The following FRMPD4 variants were observed in gnomAD, a reference collection of about 807,000 sequenced individuals.
FRMPD4 encodes the protein FERM and PDZ domain-containing protein 4.
In FRMPD4, 22 loss-of-function variants were observed where a neutral mutation model predicts 94.1. The ratio of observed to expected loss-of-function variants is 0.23; its 90% CI spans 0.17 to 0.33. The LOEUF (loss-of-function observed/expected upper bound fraction) is 0.33. FRMPD4 is among the 10% of genes least tolerant of loss of function. The pLI, the probability that FRMPD4 is intolerant of heterozygous loss-of-function variation, is 1.00. For missense variants in FRMPD4, 1,111 were observed against 1,339.9 expected (o/e 0.83, Z 2.67); for synonymous variants, 631 against 548.6 (o/e 1.15, Z -2.10).
At chrX:12,415,828 AAT>A (rs2056792903) in intron 1 of FRMPD4, among the ~76,000 whole-genome samples, 1 of 112,173 alleles carries the variant, frequency 8.9e-6, no homozygotes, top group Non-Finnish European at 1.9e-5. Context: ...TTCACTTTGA[AAT>A]ATGTTTCTAA....
intron 2 of FRMPD4, among the ~76,000 whole-genome samples, chrX:12,599,306 T>TAAA (rs58459190): frequency 6.4e-4 from 68 of 106,062 alleles, no homozygotes; most frequent in Admixed American, 9.1e-4. Flanking sequence ...TTCCTGCAGG[T>TAAA]AAAAAAAAAA....
At chrX:11,968,815 G>C (rs776051974) in intron 3 of FRMPD4, among the ~76,000 whole-genome samples, 3 of 112,055 alleles carry the variant, frequency 2.7e-5, no homozygotes, top group Non-Finnish European at 5.6e-5. Context: ...TGTTATTACT[G>C]TCAGGTGCAT....
At chrX:12,082,095 C>T (rs1282744741) in intron 3 of FRMPD4, among the ~76,000 whole-genome samples, 4 of 111,300 alleles carry the variant, frequency 3.6e-5, no homozygotes, top group Admixed American at 9.5e-5. Context: ...TTGAAAATGT[C>T]GAATTGTGTT....
At chrX:12,143,653 C>A (rs918536814) in intron 1 of FRMPD4, among the ~76,000 whole-genome samples, 4 of 112,009 alleles carry the variant, frequency 3.6e-5, no homozygotes, top group Non-Finnish European at 7.5e-5. Flanking sequence ...CTTGAATTCA[C>A]TGACCCCTGG....
At chrX:12,543,800 C>A (rs1159566467) in intron 2 of FRMPD4, among the ~76,000 whole-genome samples, 1 of 108,613 alleles carries the variant, frequency 9.2e-6, no homozygotes, top group African/African-American at 3.4e-5. Context: ...ATGTTTATTG[C>A]GGCACTCTTC....
At chrX:12,200,354 ATAAT>A (rs2056617242) in intron 1 of FRMPD4, among the ~76,000 whole-genome samples, 3 of 112,133 alleles carry the variant, frequency 2.7e-5, no homozygotes, top group Admixed American at 1.9e-4. Context: ...TTTCACTGTA[ATAAT>A]TGTCTCAGTT....
At chrX:11,958,716 G>A (rs2054268853) in intron 3 of FRMPD4, among the ~76,000 whole-genome samples, 1 of 111,999 alleles carries the variant, frequency 8.9e-6, no homozygotes, top group Non-Finnish European at 1.9e-5. Context: ...TATTTAACAA[G>A]TGACTTGTTG....
intron 1 of FRMPD4, among the ~76,000 whole-genome samples, chrX:12,144,272 G>A (rs1258447501): frequency 8.9e-6 from 1 of 111,958 alleles, no homozygotes; most frequent in Non-Finnish European, 1.9e-5. Flanking sequence ...TTGACTGAGA[G>A]CATTATAATG....
intron 1 of FRMPD4, among the ~76,000 whole-genome samples, chrX:12,240,572 C>T (rs2057117894): frequency 8.9e-6 from 1 of 112,232 alleles, no homozygotes; most frequent in African/African-American, 3.2e-5. Flanking sequence ...ATTCCCTCTC[C>T]CCAAGCTGTC....
chrX:12,687,063 C>T (rs760754631), intron 7 of FRMPD4, among the ~76,000 whole-genome samples: 1 of 111,512 alleles, frequency 9.0e-6, no homozygotes, highest in African/African-American at 3.3e-5. Context: ...TATCAATATC[C>T]GACCTCTAAT....
At chrX:12,653,820 T>TGA (rs1247339997) in intron 4 of FRMPD4, among the ~76,000 whole-genome samples, 1 of 111,328 alleles carries the variant, frequency 9.0e-6, no homozygotes, top group Non-Finnish European at 1.9e-5. Flanking sequence ...CAGGCTGGGG[T>TGA]GCAATGGCAC....
chrX:12,022,564 C>T (rs956452542), intron 3 of FRMPD4, among the ~76,000 whole-genome samples: 2 of 111,660 alleles, frequency 1.8e-5, no homozygotes, highest in Non-Finnish European at 3.8e-5. Context: ...CTCAGTTATG[C>T]TCAAGACATC....
intron 3 of FRMPD4, among the ~76,000 whole-genome samples, chrX:11,991,484 A>G (rs1000340249): frequency 2.7e-5 from 3 of 112,115 alleles, no homozygotes; most frequent in Non-Finnish European, 5.6e-5. Flanking sequence ...ATAAATGATA[A>G]GATTTCAATA....
At chrX:12,579,870 A>G (rs1338079974) in intron 2 of FRMPD4, among the ~76,000 whole-genome samples, 4 of 111,928 alleles carry the variant, frequency 3.6e-5, no homozygotes, top group African/African-American at 1.3e-4. Flanking sequence ...AGACATTAAA[A>G]CTAAGGGATA....
At chrX:12,361,258 T>G (rs1415752342) in intron 1 of FRMPD4, among the ~76,000 whole-genome samples, 1 of 112,583 alleles carries the variant, frequency 8.9e-6, no homozygotes, top group Non-Finnish European at 1.9e-5. Flanking sequence ...AAAGAATACT[T>G]CTGTTTGGTT....
Position 12,717,020 on chromosome X carries a change from C to T in FRMPD4, c.2561C>T (p.Pro854Leu). ...EIPVSLIDAV[P>L]TSAEGKCEKG... ...CCCGTGTCCCTCATTGACGCTGTGC[C>T]CACCAGCGCCGAAGGCAAGTGTGAG... Residue 854 changes from proline (P) to leucine (L), a missense_variant, in exon 15 of 17, where the codon CCC (proline) becomes CTC (leucine). Physicochemically the swap from Pro to Leu is moderately conservative, Grantham distance 98. Coordinates refer to ENST00000675598, the MANE Select transcript of FRMPD4 (RefSeq NM_001368397.1). 8 of 1,207,709 alleles carry T rather than the reference C, an allele frequency of 6.6e-6. No individual in the cohort carries two copies. The highest frequency in any genetic ancestry group is 1.7e-5 in the African/African-American group (1 of 57,825).
At chrX:11,862,818 C>G (rs1312837426) in intron 1 of FRMPD4, among the ~76,000 whole-genome samples, 3 of 110,804 alleles carry the variant, frequency 2.7e-5, no homozygotes, top group Non-Finnish European at 5.7e-5. Context: ...TTTCTTTACA[C>G]AGGCATTTTT....
chrX:12,425,816 ACT>A (rs1273091273), intron 1 of FRMPD4, among the ~76,000 whole-genome samples: 2 of 111,480 alleles, frequency 1.8e-5, no homozygotes, highest in African/African-American at 6.6e-5. Flanking sequence ...TGGTTGTTTT[ACT>A]CTGTCTTTAC....
chrX:12,485,625 T>A (rs2057731474), intron 1 of FRMPD4, among the ~76,000 whole-genome samples: 1 of 111,837 alleles, frequency 8.9e-6, no homozygotes, highest in African/African-American at 3.3e-5. Flanking sequence ...CCGTTAATGT[T>A]AGAAGGAAAT....
Sources: allele counts gnomAD v4.1 joint callset (sites outside exome capture counted in the v4.1 genomes callset), GRCh38; gene constraint gnomAD v4.1.1; transcripts MANE v1.5; gene names NCBI Gene and HGNC (gene_info 2026-07-23, HGNC 2026-07-21).